SHOC1: variants seen among roughly 807,000 people sequenced by gnomAD.
SHOC1 encodes the protein protein shortage in chiasmata 1 ortholog.
Under a neutral mutation model 179.2 loss-of-function variants are expected in SHOC1, and 136 were observed. The ratio of observed to expected loss-of-function variants is 0.76; its 90% CI spans 0.66 to 0.87. The LOEUF is 0.87. Among genes scored for constraint, SHOC1 ranks in the 40% least tolerant of loss-of-function variants. The pLI, the probability that SHOC1 is intolerant of heterozygous loss-of-function variation, is 0.00. For missense variants in SHOC1, 1,538 were observed against 1,700.8 expected, an observed-to-expected ratio of 0.90 and a Z score of 1.68; for synonymous variants, 489 against 586.6, an observed-to-expected ratio of 0.83 and a Z score of 2.41.
chr9:111,714,547 C>A lies in SHOC1; in HGVS notation c.2313G>T (p.Glu771Asp). 1 of 1,613,936 alleles carries A rather than the reference C, an allele frequency of 6.2e-7. No homozygotes were observed. The highest frequency in any genetic ancestry group is 8.5e-7 in the Non-Finnish European group (1 of 1,179,916). ...PYLGDIWRQL[E>D]IVQFIRGKKP... ...TTTTCCCCCTAATAAACTGTACAAT[C>A]TCCAGCTGTCTCCAAATGTCACCCA... Residue 771 changes from glutamate to aspartate, a missense_variant, in exon 17 of 28, where the codon GAG becomes GAT. Transcript: ENST00000682961.
chr9:111,737,373 T>C (rs1306744720), intron 12 of SHOC1, among the ~76,000 whole-genome samples: 3 of 152,328 alleles, frequency 2.0e-5, no homozygotes, highest in African/African-American at 4.8e-5. Context: ...AACTATAAAC[T>C]TTCCCAAATC....
intron 8 of SHOC1, among the ~76,000 whole-genome samples, chr9:111,755,342 G>T (rs1834807068): frequency 6.6e-6 from 1 of 152,162 alleles, no homozygotes; most frequent in African/African-American, 2.4e-5. Context: ...TGATTTGCAG[G>T]CAGAACAGTA....
At chr9:111,702,289 TATC>T (rs1310036199) in intron 22 of SHOC1, 63 bp from the exon 23 acceptor site, 6 of 1,079,068 alleles carry the variant, frequency 5.6e-6, no homozygotes, top group Admixed American at 2.2e-5. Context: ...GAAATTATGT[TATC>T]ATTATTTCAA....
In SHOC1 at chr9:111,686,861, C is replaced by G; in HGVS notation, c.4436G>C (p.Cys1479Ser). 1.2e-6 allele frequency: 2 copies of G among 1,607,818 alleles called. No homozygotes were observed. Among genetic ancestry groups the G allele is most frequent in the Non-Finnish European group, 1.7e-6 (2 of 1,175,582 alleles). Residue 1479 changes from cysteine to serine, a missense_variant, in exon 28 of 28, where the codon TGC becomes TCC. By Grantham distance (112) the Cys-to-Ser change is moderately radical. Transcript: ENST00000682961. ...TTTTTTGAATTGTGGTAGTTGTGAG[C>G]ACATAAAACCTGTTAAAAGGAGAAA... ...GDKESLTGFM[C>S]SQLPQFKKRR...
intron 22 of SHOC1, among the ~76,000 whole-genome samples, chr9:111,702,988 T>C (rs1007567471): frequency 6.6e-6 from 1 of 152,100 alleles, no homozygotes; most frequent in Non-Finnish European, 1.5e-5. Flanking sequence ...AGCGTGCCTG[T>C]AGTCCCAGCT....
chr9:111,730,761 A>T (rs1241225558), intron 12 of SHOC1, among the ~76,000 whole-genome samples: 1 of 152,218 alleles, frequency 6.6e-6, no homozygotes, highest in Non-Finnish European at 1.5e-5. Context: ...CAGCTGCATT[A>T]GCCCCTAATA....
chr9:111,703,836 A>T, intron 22 of SHOC1, 45 bp downstream of exon 22: 1 of 909,616 alleles, frequency 1.1e-6, no homozygotes, highest in Non-Finnish European at 1.7e-6. Context: ...ACATAGCCAT[A>T]TATTTTAGTC....
intron 3 of SHOC1, 60 bp from the exon 4 acceptor site, chr9:111,781,077 A>G: frequency 8.9e-7 from 1 of 1,119,476 alleles, no homozygotes; most frequent in Non-Finnish European, 1.3e-6. Context: ...TAATTCAAGG[A>G]AGCCAAACAT....
At chr9:111,694,471 T>C (rs1485918445) in intron 24 of SHOC1, 109 bp from the exon 25 acceptor site, 12 of 746,688 alleles carry the variant, frequency 1.6e-5, no homozygotes, top group Non-Finnish European at 2.1e-5. Flanking sequence ...GCAGATTCTA[T>C]CTAATTTTAG....
intron 15 of SHOC1, among the ~76,000 whole-genome samples, chr9:111,722,159 A>G: frequency 6.6e-6 from 1 of 152,156 alleles, no homozygotes; most frequent in East Asian, 1.9e-4. Flanking sequence ...AATTTCTGCA[A>G]TAGGAATCTG....
rs76264327 is a variant in SHOC1 at position 111,698,716 on chromosome 9, C to A, written c.3183+1238G>T. 5.9e-5 allele frequency among the ~76,000 whole-genome samples: 9 copies of A among 152,164 alleles called. No homozygotes were observed. The East Asian group carries it at 1.7e-3, about 29-fold the overall frequency. ...CTCTGACAGCTAGTGGTAAGAGAAT[C>A]GGGGAATAGTATTCCTGGGGGAAGG... is the stretch of plus-strand genomic sequence containing the variant. On this transcript the variant is annotated intron_variant, in intron 24 of 27. Coordinates refer to ENST00000682961, the MANE Select transcript of SHOC1 (RefSeq NM_001378211.1).
chr9:111,746,297 T>A lies in SHOC1; in HGVS notation c.1016A>T (p.His339Leu), dbSNP rs750916217. 52 of 1,612,276 alleles carry A rather than the reference T, an allele frequency of 3.2e-5. No individual in the cohort carries two copies. The highest frequency in any genetic ancestry group is 3.3e-4 in the Middle Eastern group (2 of 6,082). ...PLTPLFLTCQ[H>L]SSVNSLRTEL... ...TGTACGTAATGAATTCACTGAAGAA[T>A]GTTGGCATGTTAGGAATAGAGGAGT... Residue 339 changes from histidine (H) to leucine (L), a missense_variant, in exon 10 of 28, where the codon CAT becomes CTT. Coordinates refer to ENST00000682961, the MANE Select transcript of SHOC1 (RefSeq NM_001378211.1).
At chr9:111,761,834 A>T (rs770470488) in intron 5 of SHOC1, among the ~76,000 whole-genome samples, 8 of 152,148 alleles carry the variant, frequency 5.3e-5, no homozygotes, top group Non-Finnish European at 1.2e-4. Context: ...AATTTTAAAG[A>T]TGTAAGTAAA....
chr9:111,738,177 T>C (rs1833888352), intron 12 of SHOC1, 103 bp downstream of exon 12: 1 of 1,071,456 alleles, frequency 9.3e-7, no homozygotes, highest in Admixed American at 2.4e-5. Flanking sequence ...TATGGAATGC[T>C]AGAACCTAGT....
intron 5 of SHOC1, among the ~76,000 whole-genome samples, chr9:111,763,825 G>C (rs1283862133): frequency 1.3e-5 from 2 of 152,006 alleles, no homozygotes. Flanking sequence ...TAAAACTATT[G>C]GTACACTTGA....
intron 26 of SHOC1, among the ~76,000 whole-genome samples, chr9:111,693,013 TGTATAATA>T (rs1271238628): frequency 6.6e-6 from 1 of 152,184 alleles, no homozygotes; most frequent in African/African-American, 2.4e-5. Context: ...AGCTTTAGAA[TGTATAATA>T]TAGGCTGGGG....
At chr9:111,688,003 A>G (rs1831256469) in intron 27 of SHOC1, among the ~76,000 whole-genome samples, 1 of 152,170 alleles carries the variant, frequency 6.6e-6, no homozygotes, top group Non-Finnish European at 1.5e-5. Context: ...CCTTAAGTAA[A>G]CAATTAGATG....
chr9:111,733,796 A>G (rs6477847), intron 12 of SHOC1, among the ~76,000 whole-genome samples: 1 of 151,584 alleles, frequency 6.6e-6, no homozygotes. Flanking sequence ...TGAACCCAGG[A>G]GGTAGAGGTT....
At chr9:111,718,774 A>G (rs900079574) in intron 15 of SHOC1, among the ~76,000 whole-genome samples, 7 of 151,552 alleles carry the variant, frequency 4.6e-5, no homozygotes, top group Non-Finnish European at 1.0e-4. Context: ...ATATTTATTC[A>G]AAGGTATAAC....
Sources: allele counts gnomAD v4.1 joint callset (sites outside exome capture counted in the v4.1 genomes callset), GRCh38; gene constraint gnomAD v4.1.1; transcripts MANE v1.5; gene names NCBI Gene and HGNC (gene_info 2026-07-23, HGNC 2026-07-21).